Variants in FCGRT observed in about 807,000 individuals in gnomAD.
FCGRT encodes IgG receptor FcRn large subunit p51.
Under a neutral mutation model 35.7 loss-of-function variants are expected in FCGRT, and 13 were observed. The observed-to-expected ratio is 0.36, with a 90% CI of 0.24 to 0.58. The LOEUF is 0.58. Ranked by LOEUF, FCGRT falls within the 20% of genes least tolerant of loss-of-function variation. The pLI is 0.77. For synonymous variants in FCGRT, 233 were observed against 216.5 expected, an observed-to-expected ratio of 1.08 and a Z score of -0.67; for missense variants, 455 against 474.9, an observed-to-expected ratio of 0.96 and a Z score of 0.39.
intron 1 of FCGRT, 133 bp from the exon 2 acceptor site, chr19:49,513,254 G>C: frequency 2.5e-6 from 1 of 401,874 alleles, no homozygotes; most frequent in Non-Finnish European, 4.4e-6. Flanking sequence ...GTACGAGGAG[G>C]GCATTGTTGT....
chr19:49,519,009 AT>A (rs1265890177), intron 4 of FCGRT, among the ~76,000 whole-genome samples: 1 of 150,142 alleles, frequency 6.7e-6, no homozygotes, highest in Non-Finnish European at 1.5e-5. Flanking sequence ...CGCCCGGCTA[AT>A]TTTTTGTATT....
intron 2 of FCGRT, 145 bp from the exon 3 acceptor site, chr19:49,513,737 T>TG: frequency 3.9e-6 from 1 of 257,330 alleles, no homozygotes; most frequent in Admixed American, 4.7e-5. Context: ...TGGGTCTCTG[T>TG]CCCCCCCCCC....
intron 4 of FCGRT, among the ~76,000 whole-genome samples, chr19:49,517,775 C>T (rs1409576883): frequency 6.6e-6 from 1 of 152,092 alleles, no homozygotes; most frequent in Non-Finnish European, 1.5e-5. Flanking sequence ...TCACTGCAAG[C>T]TTCGCCTCCC....
In FCGRT at chr19:49,513,429, C is replaced by T. The variant is rs1014602885; in HGVS notation, c.29C>T (p.Ala10Val). The T allele has an allele frequency of 2.4e-6, 3 of 1,241,480 alleles. No homozygotes were observed. The highest frequency in any genetic ancestry group is 4.1e-5 in the South Asian group (1 of 24,420). 76.9% of individuals were successfully genotyped at this position (1,241,480 alleles called of 1,614,324 possible). A position where few individuals can be genotyped will look rare whatever the true frequency, so the allele number is the denominator to read the frequency against. MGVPRPQPW[A>V]LGLLLFLLPG... ...GGGGTCCCGCGGCCTCAGCCCTGGG[C>T]GCTGGGGCTCCTGCTCTTTCTCCTT... The change falls in exon 2 of 7, where the codon GCG becomes GTG. Residue 10 changes from alanine to valine, a missense_variant. Transcript: ENST00000221466.
At chr19:49,524,416 C>T in intron 4 of FCGRT, 91 bp from the exon 5 acceptor site, 2 of 1,398,278 alleles carry the variant, frequency 1.4e-6, no homozygotes, top group Non-Finnish European at 2.0e-6. Context: ...TAGCACAGTG[C>T]AAACATGGAG....
intron 5 of FCGRT, 194 bp from the exon 6 acceptor site, chr19:49,525,263 C>G (rs762347906): frequency 3.4e-6 from 2 of 596,146 alleles, no homozygotes; most frequent in Non-Finnish European, 6.1e-6. Flanking sequence ...CGCGGCCGCT[C>G]GTGCTGTAGC....
chr19:49,520,924 C>G (rs2080037162), intron 4 of FCGRT: 1 of 152,274 alleles, frequency 6.6e-6, no homozygotes, highest in African/African-American at 2.4e-5. Flanking sequence ...TTTCCTGAAG[C>G]AGCAAATGTG....
At chr19:49,520,029 C>T (rs1422302185) in intron 4 of FCGRT, among the ~76,000 whole-genome samples, 1 of 150,892 alleles carries the variant, frequency 6.6e-6, no homozygotes, top group African/African-American at 2.4e-5. Context: ...GATGGGGTTT[C>T]ACTATGTTGG....
rs868581036 is a variant in FCGRT, at chr19:49,526,072, C to T, written c.1051C>T (p.Gln351Ter). 1.2e-6 allele frequency: 2 copies of T among 1,613,826 alleles called. No individual in the cohort carries two copies. The highest frequency in any genetic ancestry group is 3.3e-4 in the Middle Eastern group (2 of 6,062). Residue 351 changes from glutamine to a stop codon, truncating the protein, a stop_gained, in exon 7 of 7, where the codon CAG becomes TAG. Transcript: ENST00000221466. LOFTEE classifies it low-confidence loss of function (END_TRUNC). The stretch of plus-strand genomic sequence containing the variant: ...CCTCCTGCCCACCCCAGGGGAGGCC[C>T]AGGATGCTGATTTGAAGGATGTAAA... ...GVLLPTPGEA[Q>*]DADLKDVNVI...
At chr19:49,513,171 G>A in intron 1 of FCGRT, 1 of 351,762 alleles carries the variant, frequency 2.8e-6, no homozygotes, top group South Asian at 1.4e-4. Flanking sequence ...CTCGGGGCCG[G>A]GACTCTCAGC....
intron 4 of FCGRT, among the ~76,000 whole-genome samples, chr19:49,523,005 C>A (rs965560958): frequency 6.6e-6 from 1 of 151,710 alleles, no homozygotes; most frequent in Non-Finnish European, 1.5e-5. Flanking sequence ...TCTCAATCTC[C>A]TGACCTCGTG....
rs766823478 is a variant in FCGRT, at chr19:49,514,462, G to A, written c.577G>A (p.Gly193Ser). 1 of 1,557,662 alleles carries A rather than the reference G, an allele frequency of 6.4e-7. No individual in the cohort carries two copies. The highest frequency in any genetic ancestry group is 8.7e-7 in the Non-Finnish European group (1 of 1,147,952). The part of the protein sequence containing the change: ...PHRLREHLER[G>S]RGNLEWKEPP... ...CCGCCTGCGGGAGCACCTGGAGAGGGGCCGCGGAAACCTGGAGTGGAAGGG... is the reference window on the plus strand; with the variant it reads ...CCGCCTGCGGGAGCACCTGGAGAGGAGCCGCGGAAACCTGGAGTGGAAGGG... Residue 193 changes from glycine to serine, a missense_variant, in exon 4 of 7, where the codon GGC becomes AGC. Physicochemically the swap from Gly to Ser is moderately conservative, Grantham distance 56 (BLOSUM62 0). This residue lies in a region of FCGRT where 312 missense variants were observed against 296.1 expected (regional missense o/e 1.05). Transcript: ENST00000221466.
chr19:49,525,548 GAGA>G lies in FCGRT; in HGVS notation c.966_968del (p.Arg323del). The G allele has an allele frequency of 6.2e-7, 1 of 1,613,226 alleles. No individual in the cohort carries two copies. Among genetic ancestry groups the G allele is most frequent in the Non-Finnish European group, 8.5e-7 (1 of 1,179,798 alleles). ...CGGCTGTAGGAGGAGCTCTGTTGTGGAGAAGGATGAGGAGTGGGCTGCCAGGTG... is the reference window on the plus strand; with the variant it reads ...CGGCTGTAGGAGGAGCTCTGTTGTGGAGGATGAGGAGTGGGCTGCCAGGTG... On this transcript the variant is annotated inframe_deletion, in exon 6 of 7. Coordinates refer to ENST00000221466, the MANE Select transcript of FCGRT (RefSeq NM_001136019.3).
At chr19:49,524,438 T>C in intron 4 of FCGRT, 69 bp from the exon 5 acceptor site, 2 of 1,527,890 alleles carry the variant, frequency 1.3e-6, no homozygotes, top group East Asian at 4.5e-5. Flanking sequence ...CCTCTTTCTG[T>C]CCCTATCCAG....
chr19:49,520,336 G>T (rs1247672830), intron 4 of FCGRT, among the ~76,000 whole-genome samples: 1 of 149,062 alleles, frequency 6.7e-6, no homozygotes, highest in Admixed American at 6.8e-5. Context: ...CACCATGTTG[G>T]CCAGGATGGA....
intron 1 of FCGRT, 168 bp from the exon 2 acceptor site, chr19:49,513,219 C>G: frequency 2.5e-6 from 1 of 393,498 alleles, no homozygotes; most frequent in Non-Finnish European, 4.5e-6. Context: ...AACTGAGATC[C>G]AGTTCAGGGG....
At chr19:49,524,837 C>T (rs759700905) in intron 5 of FCGRT, 61 bp downstream of exon 5, 27 of 1,497,434 alleles carry the variant, frequency 1.8e-5, no homozygotes, top group Admixed American at 3.7e-5. Flanking sequence ...ACTGCTGCGC[C>T]GGTCCTTCCT....
chr19:49,519,139 G>T (rs1449519924), intron 4 of FCGRT, among the ~76,000 whole-genome samples: 1 of 152,170 alleles, frequency 6.6e-6, no homozygotes, highest in Non-Finnish European at 1.5e-5. Flanking sequence ...ACCGCGCCCG[G>T]CCGGATTCCA....
intron 1 of FCGRT, 185 bp from the exon 2 acceptor site, chr19:49,513,202 A>C: frequency 2.6e-6 from 1 of 385,460 alleles, no homozygotes; most frequent in African/African-American, 2.1e-5. Context: ...TCTGTAATTA[A>C]TTAACCAACT....
Sources: gnomAD v4.1 joint callset for allele counts (sites outside exome capture counted in the v4.1 genomes callset) on GRCh38, gnomAD v4.1.1 for gene constraint, gnomAD v4.1.1 regional missense constraint, MANE v1.5 for transcripts, NCBI Gene and HGNC (gene_info 2026-07-23, HGNC 2026-07-21) for gene names.